Variants in C2orf80 observed in about 807,000 individuals in gnomAD.
C2orf80 encodes the protein chromosome 2 open reading frame 80, also known as uncharacterized protein C2orf80.
C2orf80 carries 28 observed loss-of-function variants against 30.2 expected under a neutral mutation model. The ratio of observed to expected loss-of-function variants is 0.93; its 90% confidence interval spans 0.69 to 1.27. C2orf80 has a LOEUF of 1.27. C2orf80 is among the 50% of genes most tolerant of loss of function. C2orf80 has a pLI of 0.00. For missense variants in C2orf80, 220 were observed against 231.0 expected (o/e 0.95, Z 0.31); for synonymous variants, 80 against 76.4 (o/e 1.05, Z -0.24).
At position 208,171,034 on chromosome 2, in the gene C2orf80, T is replaced by C. The variant is rs375637688; in HGVS notation, c.484A>G (p.Lys162Glu). The change falls in exon 8 of 9, where the codon AAA becomes GAA. Residue 162 changes from lysine (K) to glutamate (E), a missense_variant. Transcript: ENST00000341287. Reference protein sequence around the residue: ...SVKSRKVTTNKNATSISAKEA... With the variant: ...SVKSRKVTTNENATSISAKEA... ...TTTGCAGAGATGCTGGTGGCATTTT[T>C]ATTTGTTGTTACCTTTCTTGACTTG... The C allele has an allele frequency of 1.4e-5, 23 of 1,614,140 alleles. No homozygotes were observed. In the African/African-American group the frequency reaches 2.7e-4, roughly 19 times the overall value.
rs1553597356 is a variant in C2orf80 at position 208,176,929 on chromosome 2, A to ATG, written c.366+3814_366+3815dup. ...TCTGTGTATACATATCTGTATACATATGTATACATATCTGTATACATATCT... is the reference window on the plus strand; with the variant it reads ...TCTGTGTATACATATCTGTATACATATGTGTATACATATCTGTATACATATCT... On this transcript the variant is annotated intron_variant, in intron 6 of 8. Transcript: ENST00000341287. Among the ~76,000 whole-genome samples the ATG allele has an allele frequency of 1.8e-4, 12 of 66,458 alleles. 1 individual carries two copies. The highest frequency in any genetic ancestry group is 6.8e-4 in the African/African-American group (12 of 17,714). The allele number at this position is 66,458 out of a possible 152,430, so 43.6% of individuals were successfully genotyped here. A position where few individuals can be genotyped will look rare whatever the true frequency, so the allele number is the denominator to read the frequency against.
rs555139779 is a variant in C2orf80, at chr2:208,171,677, G to A, written c.454+311C>T. Among the ~76,000 whole-genome samples the A allele has an allele frequency of 2.2e-4, 33 of 152,116 alleles. No homozygotes were observed. In the South Asian group the frequency reaches 3.3e-3, roughly 15 times the overall value. ...TCCCAGGCTGGTCTCAAACTTCTGG[G>A]CACACAAGAGATCCTTCCAGCCCAG... On this transcript the variant is annotated intron_variant, in intron 7 of 8. Coordinates refer to ENST00000341287, the MANE Select transcript of C2orf80 (RefSeq NM_001099334.3).
At chr2:208,188,502 G>A (rs1559346394) in intron 1 of C2orf80, among the ~76,000 whole-genome samples, 1 of 151,232 alleles carries the variant, frequency 6.6e-6, no homozygotes, top group Non-Finnish European at 1.5e-5. Flanking sequence ...CTGGAGTGCA[G>A]TGGCACAATT....
chr2:208,177,713 G>C (rs1318523679), intron 6 of C2orf80, among the ~76,000 whole-genome samples: 2 of 152,086 alleles, frequency 1.3e-5, no homozygotes, highest in Non-Finnish European at 2.9e-5. Context: ...CTGAACAAAG[G>C]CTCTTTAATG....
chr2:208,183,437 T>A (rs1444721204), intron 3 of C2orf80, among the ~76,000 whole-genome samples: 1 of 152,184 alleles, frequency 6.6e-6, no homozygotes, highest in East Asian at 1.9e-4. Context: ...TGATGCTTTC[T>A]GGGCCTCAGT....
intron 7 of C2orf80, among the ~76,000 whole-genome samples, 184 bp from the exon 8 acceptor site, chr2:208,171,247 A>T (rs1696089328): frequency 6.6e-6 from 1 of 152,084 alleles, no homozygotes; most frequent in Non-Finnish European, 1.5e-5. Flanking sequence ...CTGGGCTCTA[A>T]CAATCCTCCC....
chr2:208,165,681 C>T lies in C2orf80; in HGVS notation c.*126G>A. 1.6e-6 allele frequency: 2 copies of T among 1,251,290 alleles called. No individual in the cohort carries two copies. Among genetic ancestry groups the T allele is most frequent in the Non-Finnish European group, 2.3e-6 (2 of 887,646 alleles). The allele number at this position is 1,251,290 out of a possible 1,614,324, so 77.5% of individuals were successfully genotyped here. ...AAGCTCAACATCAAAAATAACACTT[C>T]AGTGCAGTTGTACCAAAAACAGTTG... On this transcript the variant is annotated 3_prime_UTR_variant, in exon 9 of 9. Coordinates refer to ENST00000341287, the MANE Select transcript of C2orf80 (RefSeq NM_001099334.3).
rs757515540 is a variant in C2orf80, at chr2:208,189,964, C to G, written c.-87G>C. The G allele has an allele frequency of 5.7e-6, 4 of 702,822 alleles. No homozygotes were observed. Among genetic ancestry groups the G allele is most frequent in the East Asian group, 2.7e-5 (1 of 37,298 alleles). The allele number at this position is 702,822 out of a possible 1,614,324, so 43.5% of individuals were successfully genotyped here. ...TGAGAATCGCTCACCAACCGGAGACCGGTTCCAGTGCTTTTGTTCTTTCTC... is the reference window on the plus strand; with the variant it reads ...TGAGAATCGCTCACCAACCGGAGACGGGTTCCAGTGCTTTTGTTCTTTCTC... On this transcript the variant is annotated 5_prime_UTR_variant, in exon 1 of 9. Coordinates refer to ENST00000341287, the MANE Select transcript of C2orf80 (RefSeq NM_001099334.3).
intron 2 of C2orf80, among the ~76,000 whole-genome samples, chr2:208,186,372 T>C (rs2105914664): frequency 6.6e-6 from 1 of 152,326 alleles, no homozygotes; most frequent in Admixed American, 6.5e-5. Flanking sequence ...TCTTTTTTCT[T>C]TTTATATGGT....
At chr2:208,184,837 T>C (rs1696666453) in intron 3 of C2orf80, 114 bp downstream of exon 3, 1 of 733,500 alleles carries the variant, frequency 1.4e-6, no homozygotes, top group Non-Finnish European at 2.2e-6. Flanking sequence ...AAGAGGACAT[T>C]TGGGGGATGG....
chr2:208,165,862 T>A (rs370442285), intron 8 of C2orf80, 47 bp from the exon 9 acceptor site: 1 of 1,314,956 alleles, frequency 7.6e-7, no homozygotes, highest in Non-Finnish European at 1.1e-6. Context: ...CAATTTAACA[T>A]GGACACAGAC....
At chr2:208,178,974 G>A (rs1574368425) in intron 6 of C2orf80, among the ~76,000 whole-genome samples, 2 of 152,114 alleles carry the variant, frequency 1.3e-5, no homozygotes, top group East Asian at 3.9e-4. Context: ...GGCCAGGCTA[G>A]TCTCAAACTC....
chr2:208,188,520 A>G (rs1193389285), intron 1 of C2orf80, among the ~76,000 whole-genome samples: 1 of 150,654 alleles, frequency 6.6e-6, no homozygotes, highest in Non-Finnish European at 1.5e-5. Flanking sequence ...ATTTCGGTTC[A>G]CTGCAACCTC....
In C2orf80 at chr2:208,181,248, C is replaced by T. The variant is rs770599910; in HGVS notation, c.264G>A (p.Met88Ile). 116 of 1,610,686 alleles carry T rather than the reference C, an allele frequency of 7.2e-5. 1 individual carries two copies. The East Asian group carries it at 2.6e-3, about 36-fold the overall frequency. The change falls in exon 5 of 9, where the codon ATG becomes ATA. Residue 88 changes from methionine (M) to isoleucine (I), a missense_variant. Coordinates refer to ENST00000341287, the MANE Select transcript of C2orf80 (RefSeq NM_001099334.3). ...IYPNRREREAMILSSYAGILM... is the reference protein window; with the variant it reads ...IYPNRREREAIILSSYAGILM... ...AGATTCCAGCATAAGATGATAAAAT[C>T]ATAGCTTCTCGTTCTCTACGATTTG...
At chr2:208,183,786 A>C (rs983311267) in intron 3 of C2orf80, among the ~76,000 whole-genome samples, 3 of 152,174 alleles carry the variant, frequency 2.0e-5, no homozygotes, top group African/African-American at 7.2e-5. Context: ...AGAGTTTCAC[A>C]CGCACGTATA....
At chr2:208,182,848 C>G (rs1696601131) in intron 4 of C2orf80, 117 bp downstream of exon 4, 1 of 827,074 alleles carries the variant, frequency 1.2e-6, no homozygotes, top group East Asian at 2.4e-5. Flanking sequence ...GATATTCACC[C>G]AGTAGTGTTT....
chr2:208,172,286 T>C (rs1434462221), intron 6 of C2orf80, among the ~76,000 whole-genome samples: 1 of 152,198 alleles, frequency 6.6e-6, no homozygotes, highest in Non-Finnish European at 1.5e-5. Flanking sequence ...GTTCCTGTAC[T>C]TGGTTCCCAT....
rs1244441341 is a variant in C2orf80, at chr2:208,190,026, A to G, written c.-149T>C. ...GCATGCTGAAGCATCCGCGCATCTCAGACTGGTGCTCACAGACATCAGGAA... is the reference window on the plus strand; with the variant it reads ...GCATGCTGAAGCATCCGCGCATCTCGGACTGGTGCTCACAGACATCAGGAA... On this transcript the variant is annotated 5_prime_UTR_variant, in exon 1 of 9. Coordinates refer to ENST00000341287, the MANE Select transcript of C2orf80 (RefSeq NM_001099334.3). 1.4e-6 allele frequency: 1 copy of G among 702,502 alleles called. No homozygotes were observed. Among genetic ancestry groups the G allele is most frequent in the Admixed American group, 2.0e-5 (1 of 49,892 alleles). 43.5% of individuals were successfully genotyped at this position (702,502 alleles called of 1,614,324 possible).
chr2:208,173,718 A>G (rs1461798381), intron 6 of C2orf80, among the ~76,000 whole-genome samples: 1 of 152,196 alleles, frequency 6.6e-6, no homozygotes, highest in African/African-American at 2.4e-5. Context: ...GTAAAACTAT[A>G]AAGAAGTAAA....
Sources: gnomAD v4.1 joint callset for allele counts (sites outside exome capture counted in the v4.1 genomes callset) on GRCh38, gnomAD v4.1.1 for gene constraint, MANE v1.5 for transcripts, NCBI Gene and HGNC (gene_info 2026-07-23, HGNC 2026-07-21) for gene names.